Variants in PARP1 observed in about 807,000 individuals in gnomAD.
The protein encoded by PARP1 is poly [ADP-ribose] polymerase 1.
In PARP1, 44 loss-of-function variants were observed where a neutral mutation model predicts 118.7. The observed-to-expected ratio is 0.37, with a 90% CI of 0.29 to 0.48. The LOEUF is 0.48. Among genes scored for constraint, PARP1 ranks in the 20% least tolerant of loss-of-function variants. PARP1 has a pLI of 0.99. For missense variants in PARP1, 1,100 were observed against 1,272.4 expected (o/e 0.86, Z 2.06); for synonymous variants, 492 against 483.2 (o/e 1.02, Z -0.24).
chr1:226,386,581 G>A, intron 5 of PARP1, 139 bp from the exon 6 acceptor site: 1 of 753,544 alleles, frequency 1.3e-6, no homozygotes, highest in Non-Finnish European at 2.4e-6. Flanking sequence ...TGGGTGATTA[G>A]CACAGGATTT....
intron 9 of PARP1, among the ~76,000 whole-genome samples, chr1:226,380,407 A>C (rs1664580771): frequency 6.6e-6 from 1 of 152,190 alleles, no homozygotes; most frequent in Non-Finnish European, 1.5e-5. Context: ...AAACACTCCA[A>C]AGAAAAAACA....
chr1:226,381,551 T>G (rs1393637846), intron 8 of PARP1, among the ~76,000 whole-genome samples: 2 of 142,324 alleles, frequency 1.4e-5, no homozygotes, highest in Admixed American at 6.7e-5. Context: ...TGGAGTCGGA[T>G]GGGAAGAGGG....
At chr1:226,379,435 G>T in intron 11 of PARP1, 138 bp downstream of exon 11, 1 of 1,157,978 alleles carries the variant, frequency 8.6e-7, no homozygotes, top group Non-Finnish European at 1.3e-6. Flanking sequence ...TGGGGGAGCT[G>T]GTGAAGGAGG....
Position 226,390,566 on chromosome 1 carries a change from A to G in PARP1, c.461T>C (p.Ile154Thr), listed in dbSNP as rs1035280720. ...VDPEKPQLGM[I>T]DRWYHPGCFV... Reference sequence around the variant, plus strand: ...GCAGCCTGGATGGTACCAGCGGTCAATCATGCCTAGCTGTGGCTTCTCCGG... The same window carrying G: ...GCAGCCTGGATGGTACCAGCGGTCAGTCATGCCTAGCTGTGGCTTCTCCGG... The change falls in exon 4 of 23, where the codon ATT becomes ACT. Residue 154 changes from isoleucine to threonine, a missense_variant. By Grantham distance (89) the Ile-to-Thr change is moderately conservative (BLOSUM62 -1). This residue lies in a region of PARP1 where 948 missense variants were observed against 1,031.8 expected (regional missense o/e 0.92). Coordinates refer to ENST00000366794, the MANE Select transcript of PARP1 (RefSeq NM_001618.4). 1.9e-6 allele frequency: 3 copies of G among 1,614,212 alleles called. No individual in the cohort carries two copies. Among genetic ancestry groups the G allele is most frequent in the Admixed American group, 1.7e-5 (1 of 60,026 alleles).
chr1:226,407,653 C>T (rs1378941849), intron 1 of PARP1, among the ~76,000 whole-genome samples, 157 bp downstream of exon 1: 1 of 152,014 alleles, frequency 6.6e-6, no homozygotes, highest in Non-Finnish European at 1.5e-5. Flanking sequence ...GGCCGGGCCG[C>T]TCGGGAGGAG....
At position 226,388,770 on chromosome 1, in the gene PARP1, G is replaced by A. The variant is rs2102740123; in HGVS notation, c.618-15C>T. ...CTTTTCTCTTTCTGAAGGAGACACA[G>A]GATATGAGAGACAGCCAGAGCCATT... On this transcript the variant is annotated splice_polypyrimidine_tract_variant and intron_variant, in intron 4 of 22. Transcript: ENST00000366794. The A allele has an allele frequency of 6.3e-7, 1 of 1,589,010 alleles. No homozygotes were observed. Among genetic ancestry groups the A allele is most frequent in the Non-Finnish European group, 8.6e-7 (1 of 1,157,254 alleles).
At position 226,368,136 on chromosome 1, in the gene PARP1, G is replaced by A. The variant is rs1805413; in HGVS notation, c.2277+63C>T. The A allele has an allele frequency of 4.6e-3, 7,403 of 1,606,440 alleles. 265 individuals carry two copies. The East Asian group carries it at 0.093, about 20-fold the overall frequency. On this transcript the variant is annotated intron_variant, in intron 16 of 22. Coordinates refer to ENST00000366794, the MANE Select transcript of PARP1 (RefSeq NM_001618.4). The stretch of plus-strand genomic sequence containing the variant: ...CTCAGGGATCATGATGGGGAGGGAC[G>A]GCTGCAAGGTAGTCACACCCCAGCC...
chr1:226,393,379 T>C (rs1278875830), intron 2 of PARP1, among the ~76,000 whole-genome samples: 1 of 152,208 alleles, frequency 6.6e-6, no homozygotes, highest in Non-Finnish European at 1.5e-5. Context: ...AAGATGTCAA[T>C]TATCTGCAAT....
intron 3 of PARP1, among the ~76,000 whole-genome samples, 155 bp downstream of exon 3, chr1:226,392,044 G>C (rs146527463): frequency 1.3e-5 from 2 of 152,206 alleles, no homozygotes; most frequent in African/African-American, 4.8e-5. Flanking sequence ...AGTCACTGAC[G>C]TATCTGGTCA....
At chr1:226,387,893 T>C (rs986221760) in intron 5 of PARP1, among the ~76,000 whole-genome samples, 62 of 152,178 alleles carry the variant, frequency 4.1e-4, no homozygotes, top group Admixed American at 3.7e-3. Flanking sequence ...CATAAGACAA[T>C]TGAACAAAAT....
intron 2 of PARP1, among the ~76,000 whole-genome samples, chr1:226,396,303 G>A (rs536891342): frequency 2.6e-5 from 4 of 151,606 alleles, no homozygotes; most frequent in South Asian, 2.1e-4. Flanking sequence ...CCATGATTGC[G>A]CCACTGTACT....
chr1:226,390,733 G>A lies in PARP1; in HGVS notation c.403-109C>T, dbSNP rs947365124. ...TGAGGAGCTGAGGGTCCAAGCCAAG[G>A]CCTGCCCGCCAACTTGAAGACTCAT... On this transcript the variant is annotated intron_variant, in intron 3 of 22. Coordinates refer to ENST00000366794, the MANE Select transcript of PARP1 (RefSeq NM_001618.4). 1.7e-5 allele frequency: 16 copies of A among 963,198 alleles called. No individual in the cohort carries two copies. The African/African-American group carries it at 2.1e-4, about 13-fold the overall frequency. 59.7% of individuals were successfully genotyped at this position (963,198 alleles called of 1,614,324 possible).
chr1:226,388,796 A>T, intron 4 of PARP1, 41 bp from the exon 5 acceptor site: 1 of 1,493,152 alleles, frequency 6.7e-7, no homozygotes, highest in Non-Finnish European at 9.3e-7. Flanking sequence ...CAGAGCCATT[A>T]AAAGTCTGAC....
In PARP1 at chr1:226,387,964, T is replaced by C. The variant is rs75616422; in HGVS notation, c.717+692A>G. On this transcript the variant is annotated intron_variant, in intron 5 of 22. Transcript: ENST00000366794. Reference sequence around the variant, plus strand: ...AAACTGCTTTTAATTTTAGTACCACTAGTAAAAACTGAATACTCATAGAAG... The same window carrying C: ...AAACTGCTTTTAATTTTAGTACCACCAGTAAAAACTGAATACTCATAGAAG... Among the ~76,000 whole-genome samples the C allele has an allele frequency of 2.2e-3, 340 of 152,336 alleles. 1 individual carries two copies. Among genetic ancestry groups the C allele is most frequent in the African/African-American group, 7.5e-3 (313 of 41,578 alleles).
At chr1:226,372,652 C>T (rs888771692) in intron 14 of PARP1, among the ~76,000 whole-genome samples, 1 of 152,052 alleles carries the variant, frequency 6.6e-6, no homozygotes, top group Non-Finnish European at 1.5e-5. Context: ...CCAGCCCAGG[C>T]GAAGAGAGTG....
rs377100609 is a variant in PARP1, at chr1:226,381,043, T to C, written c.1300+25A>G. The C allele has an allele frequency of 2.9e-5, 46 of 1,613,786 alleles. No homozygotes were observed. The African/African-American group carries it at 5.6e-4, about 20-fold the overall frequency. ...ATAAGATACAGAAGCATTGTCCCTG[T>C]TGCACAAATTCAGATTCAACTCACT... is the stretch of plus-strand genomic sequence containing the variant. On this transcript the variant is annotated intron_variant, in intron 9 of 22. Coordinates refer to ENST00000366794, the MANE Select transcript of PARP1 (RefSeq NM_001618.4).
At chr1:226,367,739 G>T in intron 16 of PARP1, 131 bp from the exon 17 acceptor site, 1 of 1,021,754 alleles carries the variant, frequency 9.8e-7, no homozygotes, top group Non-Finnish European at 1.5e-6. Flanking sequence ...GCTGGTCAGG[G>T]CCAGCCTGTT....
intron 6 of PARP1, among the ~76,000 whole-genome samples, 199 bp from the exon 7 acceptor site, chr1:226,385,879 T>C (rs1180439828): frequency 2.0e-5 from 3 of 152,202 alleles, no homozygotes. Context: ...GTAGGAGACC[T>C]TATTTCCAAG....
In PARP1 at chr1:226,379,575, G is replaced by A; in HGVS notation, c.1610C>T (p.Ser537Phe). 1 of 1,611,612 alleles carries A rather than the reference G, an allele frequency of 6.2e-7. No individual in the cohort carries two copies. Among genetic ancestry groups the A allele is most frequent in the African/African-American group, 1.3e-5 (1 of 75,016 alleles). The change falls in exon 11 of 23, where the codon TCT (serine) becomes TTT (phenylalanine). Residue 537 changes from serine (S) to phenylalanine (F), a missense_variant and splice_region_variant. Coordinates refer to ENST00000366794, the MANE Select transcript of PARP1 (RefSeq NM_001618.4). ...LKGGAAVDPD[S>F]GLEHSAHVLE... ...TGCTGGCAGTCCTGTTTGCTTACCA[G>A]AATCAGGATCCACAGCTGCTCCTCC...
Sources: allele counts gnomAD v4.1 joint callset (sites outside exome capture counted in the v4.1 genomes callset), GRCh38; gene constraint gnomAD v4.1.1; regional missense constraint gnomAD v4.1.1; transcripts MANE v1.5; gene names NCBI Gene and HGNC (gene_info 2026-07-23, HGNC 2026-07-21).